Variants in FBXL17 observed in about 807,000 individuals in gnomAD.
The protein encoded by FBXL17 is F-box/LRR-repeat protein 17.
A neutral mutation model predicts 66.2 loss-of-function variants in FBXL17; 22 were observed. The ratio of observed to expected loss-of-function variants is 0.33; its 90% CI spans 0.24 to 0.47. The LOEUF is 0.47. Among genes scored for constraint, FBXL17 ranks in the 20% least tolerant of loss-of-function variants. The probability of loss-of-function intolerance (pLI) is 1.00; values close to 1 mark genes in which losing one functional copy is unlikely to be tolerated. For synonymous variants in FBXL17, 474 were observed against 400.5 expected, an observed-to-expected ratio of 1.18 and a Z score of -2.19; for missense variants, 878 against 948.2, an observed-to-expected ratio of 0.93 and a Z score of 0.97.
intron 7 of FBXL17, among the ~76,000 whole-genome samples, chr5:107,911,921 T>C (rs545259715): frequency 1.2e-4 from 18 of 152,236 alleles, no homozygotes; most frequent in Non-Finnish European, 2.2e-4. Context: ...ATTAAAATGT[T>C]ATACTTCACT....
intron 5 of FBXL17, among the ~76,000 whole-genome samples, chr5:108,197,445 AC>A (rs937756791): frequency 6.6e-6 from 1 of 152,152 alleles, no homozygotes; most frequent in Non-Finnish European, 1.5e-5. Flanking sequence ...AAAATTTCGA[AC>A]CAATTTCAGT....
intron 6 of FBXL17, among the ~76,000 whole-genome samples, chr5:108,131,611 C>A (rs914498376): frequency 6.6e-6 from 1 of 152,052 alleles, no homozygotes; most frequent in African/African-American, 2.4e-5. Context: ...ATTCTCAGAG[C>A]AGCAAGAGAC....
intron 7 of FBXL17, among the ~76,000 whole-genome samples, chr5:107,901,384 T>C (rs1486956451): frequency 6.6e-6 from 1 of 152,162 alleles, no homozygotes; most frequent in Non-Finnish European, 1.5e-5. Flanking sequence ...TCTGGAAATT[T>C]TTACTTTCTT....
intron 7 of FBXL17, among the ~76,000 whole-genome samples, chr5:108,007,216 A>G (rs554040585): frequency 1.3e-5 from 2 of 152,318 alleles, no homozygotes; most frequent in East Asian, 3.9e-4. Flanking sequence ...TAGGCCCTGG[A>G]GTCCATCTTT....
At chr5:108,192,655 G>T (rs906432039) in intron 5 of FBXL17, among the ~76,000 whole-genome samples, 2 of 152,130 alleles carry the variant, frequency 1.3e-5, no homozygotes, top group African/African-American at 4.8e-5. Context: ...AGCCAGGCAT[G>T]GTCAGGCGTA....
intron 7 of FBXL17, among the ~76,000 whole-genome samples, chr5:107,961,080 T>A (rs891668755): frequency 6.6e-6 from 1 of 152,018 alleles, no homozygotes; most frequent in Non-Finnish European, 1.5e-5. Context: ...TGGAAAGAAG[T>A]GGGGGTCCAG....
At chr5:108,269,057 A>C (rs1355497235) in intron 4 of FBXL17, among the ~76,000 whole-genome samples, 1 of 152,088 alleles carries the variant, frequency 6.6e-6, no homozygotes, top group African/African-American at 2.4e-5. Context: ...AGAAGTGACC[A>C]GGAAGATAAA....
chr5:107,926,331 T>G (rs980681738), intron 7 of FBXL17, among the ~76,000 whole-genome samples: 26 of 151,582 alleles, frequency 1.7e-4, no homozygotes, highest in African/African-American at 6.3e-4. Context: ...GAGGGAGGAG[T>G]GCATTGACAG....
chr5:108,347,861 T>C (rs1390741768), intron 4 of FBXL17, among the ~76,000 whole-genome samples: 1 of 152,206 alleles, frequency 6.6e-6, no homozygotes, highest in East Asian at 1.9e-4. Context: ...AATTGTAAGA[T>C]TTTTAAGCAC....
chr5:108,100,000 G>T (rs986650426), intron 6 of FBXL17, among the ~76,000 whole-genome samples: 1 of 152,034 alleles, frequency 6.6e-6, no homozygotes, highest in African/African-American at 2.4e-5. Flanking sequence ...AATGTTTTTA[G>T]CATTGTTTGC....
At chr5:108,120,483 A>G (rs183617537) in intron 6 of FBXL17, among the ~76,000 whole-genome samples, 7 of 152,188 alleles carry the variant, frequency 4.6e-5, no homozygotes, top group African/African-American at 1.2e-4. Context: ...TGAAGTTCCT[A>G]TATCATTGAG....
chr5:107,918,085 C>G (rs1005976865), intron 7 of FBXL17, among the ~76,000 whole-genome samples: 3 of 152,204 alleles, frequency 2.0e-5, no homozygotes, highest in Admixed American at 1.3e-4. Flanking sequence ...CCCCTCATTC[C>G]TTGCTGAGGA....
At position 107,906,818 on chromosome 5, in the gene FBXL17, C is replaced by A. The variant is rs1434533451; in HGVS notation, c.1823-25639G>T. 3.9e-5 allele frequency among the ~76,000 whole-genome samples: 6 copies of A among 152,186 alleles called. 1 individual carries two copies. The highest frequency in any genetic ancestry group is 1.3e-4 in the Admixed American group (2 of 15,268). ...TGGAATACCGTTTCATTTAAACAGT[C>A]TGAACAAAACAAAGAAACTACACAT... On this transcript the variant is annotated intron_variant, in intron 7 of 8. Coordinates refer to ENST00000542267, the MANE Select transcript of FBXL17 (RefSeq NM_001163315.3).
At chr5:108,302,142 A>C (rs955054940) in intron 4 of FBXL17, 9 of 318,468 alleles carry the variant, frequency 2.8e-5, no homozygotes, top group Non-Finnish European at 3.6e-5. Context: ...TATGTCATCC[A>C]ATGCAACTAA....
At chr5:108,206,800 G>A (rs922673212) in intron 5 of FBXL17, among the ~76,000 whole-genome samples, 2 of 152,140 alleles carry the variant, frequency 1.3e-5, no homozygotes, top group African/African-American at 4.8e-5. Flanking sequence ...TTTTAAGTTT[G>A]GGACTGTTTC....
At chr5:108,030,632 G>C (rs1470054456) in intron 6 of FBXL17, among the ~76,000 whole-genome samples, 2 of 152,070 alleles carry the variant, frequency 1.3e-5, no homozygotes, top group Non-Finnish European at 2.9e-5. Context: ...TAGCAAAAGA[G>C]AGTAACTGTA....
At chr5:108,246,506 C>CA (rs531715024) in intron 4 of FBXL17, among the ~76,000 whole-genome samples, 239 of 151,464 alleles carry the variant, frequency 1.6e-3, no homozygotes, top group South Asian at 3.5e-3. Context: ...GACCCTGTCT[C>CA]AAAAAAATAA....
intron 6 of FBXL17, among the ~76,000 whole-genome samples, chr5:108,068,883 A>T (rs1748222790): frequency 6.6e-6 from 1 of 152,242 alleles, no homozygotes. Flanking sequence ...ACAGTTTAAA[A>T]CAAAAATGAA....
chr5:108,294,483 T>C (rs1296364318), intron 4 of FBXL17, among the ~76,000 whole-genome samples: 1 of 151,970 alleles, frequency 6.6e-6, no homozygotes, highest in African/African-American at 2.4e-5. Flanking sequence ...TTCTCAATCA[T>C]TATAAATATT....
Sources: allele counts gnomAD v4.1 joint callset (sites outside exome capture counted in the v4.1 genomes callset), GRCh38; gene constraint gnomAD v4.1.1; transcripts MANE v1.5; gene names NCBI Gene and HGNC (gene_info 2026-07-23, HGNC 2026-07-21).